Variants in B3GLCT observed in about 807,000 individuals in gnomAD.
B3GLCT encodes the protein beta 3-glucosyltransferase, also known as beta-1,3-glucosyltransferase.
In B3GLCT, 65 loss-of-function variants were observed where a neutral mutation model predicts 63.4. That is an observed-to-expected ratio of 1.03 (90% confidence interval 0.84 to 1.26). B3GLCT has a LOEUF of 1.26. Ranked by LOEUF, B3GLCT falls within the 50% of genes most tolerant of loss-of-function variation. The pLI is 0.00. For synonymous variants in B3GLCT, 233 were observed against 219.2 expected (o/e 1.06, Z -0.55); for missense variants, 577 against 604.8 (o/e 0.95, Z 0.48).
rs5802597 is a variant in B3GLCT at position 31,222,074 on chromosome 13, A to ATT, written c.121-857_121-856dup. ...TTAAGGTGCCCCTTCTGTGCTCCTG[A>ATT]TTTTTTTTTTTTTTTTTTTTTTGAT... On this transcript the variant is annotated intron_variant, in intron 2 of 14. Transcript: ENST00000343307. Among the ~76,000 whole-genome samples, 33 of 92,948 alleles carry ATT rather than the reference A, an allele frequency of 3.6e-4. 1 individual carries two copies. Among genetic ancestry groups the ATT allele is most frequent in the African/African-American group, 9.7e-4 (23 of 23,672 alleles). 61.0% of individuals were successfully genotyped at this position (92,948 alleles called of 152,430 possible).
chr13:31,269,763 A>T (rs988507888), intron 8 of B3GLCT, among the ~76,000 whole-genome samples: 1 of 152,018 alleles, frequency 6.6e-6, no homozygotes, highest in African/African-American at 2.4e-5. Flanking sequence ...CACTTTTATA[A>T]AAGAGGCCGC....
intron 6 of B3GLCT, among the ~76,000 whole-genome samples, chr13:31,250,975 A>C (rs547819601): frequency 6.6e-6 from 1 of 152,140 alleles, no homozygotes; most frequent in Non-Finnish European, 1.5e-5. Flanking sequence ...TCTGACTGGC[A>C]TCTGGCAGGT....
At chr13:31,306,534 C>T (rs1193772942) in intron 12 of B3GLCT, among the ~76,000 whole-genome samples, 7 of 111,590 alleles carry the variant, frequency 6.3e-5, no homozygotes, top group East Asian at 2.7e-4. Flanking sequence ...TATACACCAA[C>T]AACAGACAAA....
chr13:31,257,583 A>G (rs982758926), intron 6 of B3GLCT, among the ~76,000 whole-genome samples: 2 of 151,936 alleles, frequency 1.3e-5, no homozygotes, highest in Non-Finnish European at 2.9e-5. Context: ...CTGTTGCTGA[A>G]TTGAGGAAAA....
intron 1 of B3GLCT, among the ~76,000 whole-genome samples, chr13:31,204,762 C>G (rs888886078): frequency 1.3e-5 from 2 of 152,072 alleles, no homozygotes; most frequent in Admixed American, 1.3e-4. Context: ...GAGGAGGCTG[C>G]TGGACACAGG....
chr13:31,235,819 C>T (rs925325634), intron 4 of B3GLCT, among the ~76,000 whole-genome samples: 1 of 152,148 alleles, frequency 6.6e-6, no homozygotes, highest in South Asian at 2.1e-4. Flanking sequence ...GAACAACTCC[C>T]CATTCCTCCC....
chr13:31,229,136 A>G (rs1195495491), intron 3 of B3GLCT, 49 bp from the exon 4 acceptor site: 1 of 1,213,692 alleles, frequency 8.2e-7, no homozygotes, highest in Admixed American at 1.9e-5. Flanking sequence ...AGTTTATTTT[A>G]ATAATTTTGT....
chr13:31,270,697 C>T (rs1294546670), intron 8 of B3GLCT, among the ~76,000 whole-genome samples: 2 of 152,192 alleles, frequency 1.3e-5, no homozygotes, highest in Admixed American at 6.5e-5. Context: ...AATTCTCTCC[C>T]TCTCCCTTAC....
intron 10 of B3GLCT, 79 bp from the exon 11 acceptor site, chr13:31,284,569 A>G (rs1323324666): frequency 1.2e-6 from 1 of 813,824 alleles, no homozygotes; most frequent in Non-Finnish European, 2.2e-6. Context: ...TCCTTTGTAG[A>G]TGATTATACT....
At chr13:31,318,209 G>C (rs1298800754) in intron 13 of B3GLCT, among the ~76,000 whole-genome samples, 1 of 152,118 alleles carries the variant, frequency 6.6e-6, no homozygotes, top group Non-Finnish European at 1.5e-5. Context: ...TGATTTATAT[G>C]GGTAAATCAA....
At chr13:31,321,369 A>C (rs968698327) in intron 13 of B3GLCT, among the ~76,000 whole-genome samples, 1 of 152,246 alleles carries the variant, frequency 6.6e-6, no homozygotes, top group African/African-American at 2.4e-5. Flanking sequence ...ATGCCTTTTA[A>C]CAGCAAGTCA....
chr13:31,284,614 G>A (rs1455159052), intron 10 of B3GLCT, 34 bp from the exon 11 acceptor site: 2 of 1,151,850 alleles, frequency 1.7e-6, no homozygotes, highest in African/African-American at 1.5e-5. Context: ...TTGTGTAACT[G>A]TGCCAGTGAT....
At chr13:31,231,493 G>A (rs1028552130) in intron 4 of B3GLCT, among the ~76,000 whole-genome samples, 4 of 152,156 alleles carry the variant, frequency 2.6e-5, no homozygotes, top group East Asian at 3.9e-4. Flanking sequence ...GAATAGCGAC[G>A]CCCCTTGCCA....
rs1869877366 is a variant in B3GLCT at position 31,222,742 on chromosome 13, A to G, written c.121-210A>G. Among the ~76,000 whole-genome samples the G allele has an allele frequency of 3.3e-5, 5 of 152,218 alleles. No individual in the cohort carries two copies. In the South Asian group the frequency reaches 8.3e-4, roughly 25 times the overall value. On this transcript the variant is annotated intron_variant, in intron 2 of 14. Transcript: ENST00000343307. The stretch of plus-strand genomic sequence containing the variant: ...ACATGAGAAGGGCACAGCCCCAACT[A>G]AGAAGTCTGTCATGATACAGAAGTA...
intron 1 of B3GLCT, among the ~76,000 whole-genome samples, chr13:31,214,197 G>GGCATTT (rs1869439123): frequency 6.6e-6 from 1 of 152,190 alleles, no homozygotes; most frequent in African/African-American, 2.4e-5. Flanking sequence ...ACTGCCCTAT[G>GGCATTT]TCATTGCCTT....
intron 6 of B3GLCT, among the ~76,000 whole-genome samples, chr13:31,257,476 T>C (rs1871800306): frequency 6.6e-6 from 1 of 152,084 alleles, no homozygotes; most frequent in Non-Finnish European, 1.5e-5. Flanking sequence ...ATAGGCAAAG[T>C]ATCAAGAAGA....
Position 31,211,026 on chromosome 13 carries a change from T to C in B3GLCT, c.71-4025T>C, listed in dbSNP as rs184615414. On this transcript the variant is annotated intron_variant, in intron 1 of 14. Transcript: ENST00000343307. ...CCGAAGTGCTAGAATTACAGGCACG[T>C]GCCACCACGTCCGGCCACGTTTGGT... is the stretch of plus-strand genomic sequence containing the variant. Among the ~76,000 whole-genome samples the C allele has an allele frequency of 1.7e-3, 258 of 152,306 alleles. 3 individuals carry two copies. Among genetic ancestry groups the C allele is most frequent in the African/African-American group, 6.1e-3 (252 of 41,568 alleles).
chr13:31,326,354 G>A (rs1249439938), intron 14 of B3GLCT, among the ~76,000 whole-genome samples: 1 of 144,216 alleles, frequency 6.9e-6, no homozygotes, highest in Non-Finnish European at 1.5e-5. Flanking sequence ...CATGATCTCG[G>A]CTCACTGCAA....
At chr13:31,259,076 C>A (rs535079483) in intron 6 of B3GLCT, among the ~76,000 whole-genome samples, 2 of 151,992 alleles carry the variant, frequency 1.3e-5, no homozygotes, top group African/African-American at 4.8e-5. Context: ...AACTTCAGTT[C>A]TTTCATTAAG....
Sources: allele counts gnomAD v4.1 joint callset (sites outside exome capture counted in the v4.1 genomes callset), GRCh38; gene constraint gnomAD v4.1.1; transcripts MANE v1.5; gene names NCBI Gene and HGNC (gene_info 2026-07-23, HGNC 2026-07-21).